Variants in SGTB observed in about 807,000 individuals in gnomAD.
SGTB encodes the protein small glutamine rich tetratricopeptide repeat co-chaperone beta.
In SGTB, 19 loss-of-function variants were observed where a neutral mutation model predicts 43.9. The observed-to-expected ratio is 0.43, with a 90% CI of 0.30 to 0.63. SGTB has a LOEUF of 0.63. SGTB is among the 30% of genes least tolerant of loss of function. SGTB has a pLI of 0.12. For missense variants in SGTB, 304 were observed against 358.9 expected (o/e 0.85, Z 1.24); for synonymous variants, 116 against 117.3 (o/e 0.99, Z 0.07).
intron 2 of SGTB, among the ~76,000 whole-genome samples, chr5:65,715,898 T>G (rs1164560064): frequency 6.6e-6 from 1 of 152,156 alleles, no homozygotes; most frequent in African/African-American, 2.4e-5. Flanking sequence ...GCCTCCTGAG[T>G]AGCTGGGATT....
At chr5:65,711,783 G>C (rs1299289758) in intron 3 of SGTB, among the ~76,000 whole-genome samples, 1 of 152,172 alleles carries the variant, frequency 6.6e-6, no homozygotes, top group East Asian at 1.9e-4. Context: ...AGAAGTTCTA[G>C]AAACAGAGCC....
intron 9 of SGTB, 100 bp downstream of exon 9, chr5:65,672,144 T>C: frequency 6.3e-7 from 1 of 1,587,698 alleles, no homozygotes; most frequent in Non-Finnish European, 8.6e-7. Flanking sequence ...CTGACTGTCA[T>C]TCAGAACAGT....
At chr5:65,693,327 AAG>A (rs1267334904) in intron 5 of SGTB, among the ~76,000 whole-genome samples, 1 of 149,392 alleles carries the variant, frequency 6.7e-6, no homozygotes, top group African/African-American at 2.5e-5. Context: ...GAGAGAAAGA[AAG>A]AGGAGAAGGG....
intron 3 of SGTB, among the ~76,000 whole-genome samples, chr5:65,710,678 T>C (rs976186023): frequency 4.6e-5 from 7 of 152,178 alleles, no homozygotes; most frequent in African/African-American, 1.7e-4. Flanking sequence ...AATGAAGCCA[T>C]AGCTGTAAAA....
At chr5:65,722,192 G>A, upstream of SGTB, 1 of 303,896 alleles carries the variant, frequency 3.3e-6, no homozygotes, top group Non-Finnish European at 5.9e-6. Flanking sequence ...GCACGGCGCG[G>A]GGCGGGGCTG....
At chr5:65,720,668 A>G in intron 2 of SGTB, 40 bp downstream of exon 2, 2 of 1,584,856 alleles carry the variant, frequency 1.3e-6, no homozygotes, top group Non-Finnish European at 1.7e-6. Flanking sequence ...GTCTTCGTTT[A>G]TAATTATAAT....
intron 3 of SGTB, among the ~76,000 whole-genome samples, 193 bp downstream of exon 3, chr5:65,712,768 T>C (rs1399167020): frequency 1.3e-5 from 2 of 152,154 alleles, no homozygotes; most frequent in African/African-American, 2.4e-5. Context: ...AAAATAGTTA[T>C]CAATATGAAA....
chr5:65,695,784 T>C (rs914488170), intron 5 of SGTB, among the ~76,000 whole-genome samples: 3 of 152,208 alleles, frequency 2.0e-5, no homozygotes, highest in Non-Finnish European at 4.4e-5. Flanking sequence ...TACCTTGTTT[T>C]TGAAAGAAAC....
At chr5:65,708,926 A>G (rs1213149832) in intron 3 of SGTB, among the ~76,000 whole-genome samples, 1 of 152,092 alleles carries the variant, frequency 6.6e-6, no homozygotes, top group Non-Finnish European at 1.5e-5. Flanking sequence ...CTGTAGTCCC[A>G]GCTACTTGGG....
chr5:65,672,345 T>C, intron 8 of SGTB, 64 bp from the exon 9 acceptor site: 1 of 1,346,468 alleles, frequency 7.4e-7, no homozygotes, highest in Non-Finnish European at 9.8e-7. Context: ...TAGCAAAGAT[T>C]TTTTTTTTAG....
chr5:65,709,125 TA>T (rs1208531444), intron 3 of SGTB, among the ~76,000 whole-genome samples: 6 of 150,490 alleles, frequency 4.0e-5, no homozygotes, highest in Non-Finnish European at 5.9e-5. Context: ...TCCTGCTTCA[TA>T]AAAAAAAATG....
At chr5:65,702,862 A>C (rs1171955987) in intron 5 of SGTB, among the ~76,000 whole-genome samples, 3 of 152,238 alleles carry the variant, frequency 2.0e-5, no homozygotes, top group Non-Finnish European at 4.4e-5. Context: ...ATTTAAATAT[A>C]AATTAGAACA....
At chr5:65,716,022 G>A (rs376288051) in intron 2 of SGTB, among the ~76,000 whole-genome samples, 141 of 152,262 alleles carry the variant, frequency 9.3e-4, no homozygotes, top group African/African-American at 3.2e-3. Flanking sequence ...CGCCCGCCTC[G>A]GCCTCCCGAA....
At chr5:65,700,694 A>G (rs993160941) in intron 5 of SGTB, among the ~76,000 whole-genome samples, 1 of 148,606 alleles carries the variant, frequency 6.7e-6, no homozygotes. Context: ...AAAAAAAAAA[A>G]AAAAGAAAGA....
chr5:65,709,241 A>C (rs987231079), intron 3 of SGTB, among the ~76,000 whole-genome samples: 1 of 152,148 alleles, frequency 6.6e-6, no homozygotes. Flanking sequence ...GATATACCCT[A>C]CTAAGTCAAA....
intron 4 of SGTB, among the ~76,000 whole-genome samples, chr5:65,705,314 C>T (rs1448556490): frequency 2.6e-5 from 4 of 151,978 alleles, no homozygotes; most frequent in East Asian, 3.9e-4. Context: ...ATTAGCCAGG[C>T]GCAGTGGTAC....
upstream of SGTB, chr5:65,722,422 C>T: frequency 6.3e-7 from 1 of 1,585,562 alleles, no homozygotes; most frequent in Non-Finnish European, 8.6e-7. Context: ...CAGGTACCTC[C>T]AGCGCGCGGG....
intron 5 of SGTB, among the ~76,000 whole-genome samples, chr5:65,688,411 C>A (rs1238345403): frequency 6.6e-6 from 1 of 152,128 alleles, no homozygotes; most frequent in Non-Finnish European, 1.5e-5. Flanking sequence ...CTCTTTTCTG[C>A]CAAGAGTCTC....
At chr5:65,680,149 C>A (rs1223581072) in intron 8 of SGTB, among the ~76,000 whole-genome samples, 1 of 152,132 alleles carries the variant, frequency 6.6e-6, no homozygotes, top group Admixed American at 6.5e-5. Flanking sequence ...TGTAGGGGAA[C>A]AACACACACT....
Sources: gnomAD v4.1 joint callset for allele counts (sites outside exome capture counted in the v4.1 genomes callset) on GRCh38, gnomAD v4.1.1 for gene constraint, MANE v1.5 for transcripts, NCBI Gene and HGNC (gene_info 2026-07-23, HGNC 2026-07-21) for gene names.